HOOK3: variants seen among roughly 807,000 people sequenced by gnomAD.
HOOK3 encodes protein Hook homolog 3.
In HOOK3, 24 loss-of-function variants were observed where a neutral mutation model predicts 116.3. That is an observed-to-expected ratio of 0.21 (90% CI 0.15 to 0.29). The LOEUF is 0.29. HOOK3 is among the 10% of genes least tolerant of loss of function. The pLI is 1.00. For synonymous variants in HOOK3, 275 were observed against 283.0 expected (o/e 0.97, Z 0.28); for missense variants, 632 against 830.2 (o/e 0.76, Z 2.93).
chr8:42,914,875 G>A (rs1807501098), intron 2 of HOOK3, among the ~76,000 whole-genome samples: 1 of 152,158 alleles, frequency 6.6e-6, no homozygotes, highest in South Asian at 2.1e-4. Flanking sequence ...CCAGCACTTT[G>A]GGAGGTGGAG....
chr8:43,018,103 A>T (rs73627288), intron 21 of HOOK3, among the ~76,000 whole-genome samples: 7,365 of 152,216 alleles, frequency 0.048, 361 homozygotes, highest in African/African-American at 0.12. Flanking sequence ...GTATGGGTAA[A>T]GTCTGTCTCT....
chr8:42,980,665 G>A (rs1289808656), intron 13 of HOOK3, among the ~76,000 whole-genome samples: 2 of 152,088 alleles, frequency 1.3e-5, no homozygotes, highest in Non-Finnish European at 2.9e-5. Flanking sequence ...CAAGGCGGGT[G>A]GATCACCTGA....
chr8:42,910,389 A>G (rs1486488393), intron 2 of HOOK3, among the ~76,000 whole-genome samples: 1 of 152,040 alleles, frequency 6.6e-6, no homozygotes, highest in Admixed American at 6.6e-5. Flanking sequence ...TATGTCACAC[A>G]CAGAAGAGCA....
Position 42,969,456 on chromosome 8 carries a change from T to C in HOOK3, c.1122+1242T>C, listed in dbSNP as rs141440464. Among the ~76,000 whole-genome samples the C allele has an allele frequency of 7.4e-3, 1,125 of 152,212 alleles. 9 individuals carry two copies. Among genetic ancestry groups the C allele is most frequent in the Non-Finnish European group, 0.011 (753 of 68,006 alleles). ...ACCTGGGAAACATAGCAAGACCCCA[T>C]CTCTAAAAATAACTTTAAGTTAGCT... On this transcript the variant is annotated intron_variant, in intron 11 of 21. Coordinates refer to ENST00000307602, the MANE Select transcript of HOOK3 (RefSeq NM_032410.4).
At position 43,028,254 on chromosome 8, in the gene HOOK3, C is replaced by T. The variant is rs1809969008; in HGVS notation, c.*9756C>T. ...CTGTAGTCCCAGCTACTCCAGAGGT[C>T]GAGGCAGGAGCATCGCTTAAGCCCA... On this transcript the variant is annotated 3_prime_UTR_variant, in exon 22 of 22. Coordinates refer to ENST00000307602, the MANE Select transcript of HOOK3 (RefSeq NM_032410.4). 5.4e-6 allele frequency: 1 copy of T among 184,270 alleles called. No homozygotes were observed. The highest frequency in any genetic ancestry group is 1.1e-5 in the Non-Finnish European group (1 of 87,036). The allele number at this position is 184,270 out of a possible 1,614,324, so 11.4% of individuals were successfully genotyped here.
chr8:43,004,464 C>G (rs554812760), intron 17 of HOOK3, among the ~76,000 whole-genome samples: 1 of 148,822 alleles, frequency 6.7e-6, no homozygotes, highest in South Asian at 2.2e-4. Flanking sequence ...GTGGATCACT[C>G]AAGGTCAGGA....
chr8:42,977,581 A>G (rs1808852404), intron 13 of HOOK3, among the ~76,000 whole-genome samples: 2 of 152,176 alleles, frequency 1.3e-5, no homozygotes, highest in South Asian at 2.1e-4. Context: ...ACACTTAACC[A>G]TTAGGCTGGG....
intron 21 of HOOK3, among the ~76,000 whole-genome samples, chr8:43,016,067 T>C (rs1341317717): frequency 6.6e-6 from 1 of 151,640 alleles, no homozygotes; most frequent in African/African-American, 2.4e-5. Context: ...TTTTGTTTCT[T>C]ATGGAGCCAG....
At chr8:42,982,727 T>A (rs1352907574) in intron 14 of HOOK3, 31 bp downstream of exon 14, 1 of 1,384,376 alleles carries the variant, frequency 7.2e-7, no homozygotes, top group South Asian at 1.2e-5. Context: ...ACACTTACAC[T>A]GCACAGTATT....
chr8:42,967,761 T>G (rs1161912153), intron 10 of HOOK3, among the ~76,000 whole-genome samples: 1 of 151,872 alleles, frequency 6.6e-6, no homozygotes, highest in Non-Finnish European at 1.5e-5. Context: ...ACTGTTAAAC[T>G]TACTTTTCTT....
intron 5 of HOOK3, among the ~76,000 whole-genome samples, chr8:42,945,105 A>G (rs1808201790): frequency 6.6e-6 from 1 of 152,104 alleles, no homozygotes. Context: ...GGAGTAGATC[A>G]CTTAACCTCT....
At chr8:43,009,911 T>C (rs992413095) in intron 18 of HOOK3, among the ~76,000 whole-genome samples, 16 of 152,254 alleles carry the variant, frequency 1.1e-4, no homozygotes, top group African/African-American at 3.9e-4. Context: ...TAGAATCATA[T>C]AATATTTGTC....
chr8:42,922,400 A>C (rs1807674360), intron 2 of HOOK3, among the ~76,000 whole-genome samples: 1 of 151,910 alleles, frequency 6.6e-6, no homozygotes, highest in African/African-American at 2.4e-5. Flanking sequence ...AGAAAGAAAA[A>C]AATTTTATCC....
rs1458530408 is a variant in HOOK3, at chr8:43,021,331, C to G, written c.*2833C>G. On this transcript the variant is annotated 3_prime_UTR_variant, in exon 22 of 22. Transcript: ENST00000307602. The stretch of plus-strand genomic sequence containing the variant: ...ACTTTTTTTTCCCCCCGAGACGGAG[C>G]CTCGTTCCGTCACCCAGGCTGTAGT... 5 of 186,954 alleles carry G rather than the reference C, an allele frequency of 2.7e-5. No homozygotes were observed. Among genetic ancestry groups the G allele is most frequent in the Admixed American group, 2.5e-4 (4 of 16,108 alleles). 11.6% of individuals were successfully genotyped at this position (186,954 alleles called of 1,614,324 possible).
chr8:42,928,567 A>G (rs1308881571), intron 3 of HOOK3, among the ~76,000 whole-genome samples: 2 of 152,202 alleles, frequency 1.3e-5, no homozygotes, highest in Admixed American at 6.5e-5. Context: ...AGAGAGTTGT[A>G]TATCTCCTCC....
chr8:42,981,752 T>A (rs184551350), intron 13 of HOOK3, among the ~76,000 whole-genome samples: 176 of 148,578 alleles, frequency 1.2e-3, no homozygotes, highest in African/African-American at 4.3e-3. Flanking sequence ...GGCGTGGTGG[T>A]GGGCACCTGT....
At chr8:42,975,848 G>A (rs1808814161) in intron 13 of HOOK3, among the ~76,000 whole-genome samples, 1 of 152,128 alleles carries the variant, frequency 6.6e-6, no homozygotes, top group Non-Finnish European at 1.5e-5. Flanking sequence ...TGGGACTACA[G>A]GGGTGTGCCA....
chr8:42,935,769 T>G (rs938913960), intron 4 of HOOK3, among the ~76,000 whole-genome samples: 2 of 152,228 alleles, frequency 1.3e-5, no homozygotes, highest in African/African-American at 4.8e-5. Flanking sequence ...TTGGTACCAG[T>G]ACCATGCTGT....
intron 4 of HOOK3, among the ~76,000 whole-genome samples, chr8:42,931,760 C>T (rs945427647): frequency 2.7e-5 from 4 of 150,488 alleles, no homozygotes; most frequent in East Asian, 2.0e-4. Flanking sequence ...CTTCCCATCC[C>T]GTCCTTTCTT....
Sources: gnomAD v4.1 joint callset for allele counts (sites outside exome capture counted in the v4.1 genomes callset) on GRCh38, gnomAD v4.1.1 for gene constraint, MANE v1.5 for transcripts, NCBI Gene and HGNC (gene_info 2026-07-23, HGNC 2026-07-21) for gene names.